Variants in CLOCK observed in about 807,000 individuals in gnomAD.
CLOCK encodes the protein clock circadian regulator.
In CLOCK, 43 loss-of-function variants were observed where a neutral mutation model predicts 118.4. The ratio of observed to expected loss-of-function variants is 0.36; its 90% confidence interval spans 0.28 to 0.47. The LOEUF is 0.47. Ranked by LOEUF, CLOCK falls within the 20% of genes least tolerant of loss-of-function variation. CLOCK has a pLI of 1.00. For synonymous variants in CLOCK, 326 were observed against 339.2 expected (o/e 0.96, Z 0.43); for missense variants, 846 against 999.9 (o/e 0.85, Z 2.08).
At chr4:55,456,841 G>A (rs1438044335) in intron 11 of CLOCK, among the ~76,000 whole-genome samples, 1 of 151,966 alleles carries the variant, frequency 6.6e-6, no homozygotes, top group African/African-American at 2.4e-5. Context: ...ACCACGCCCG[G>A]CTAATTTTTG....
intron 2 of CLOCK, among the ~76,000 whole-genome samples, chr4:55,501,334 T>G (rs1728421891): frequency 7.0e-6 from 1 of 142,966 alleles, no homozygotes; most frequent in African/African-American, 2.5e-5. Context: ...AAAACAATTA[T>G]TATGAATTCT....
At chr4:55,479,842 T>A in intron 4 of CLOCK, 143 bp from the exon 5 acceptor site, 1 of 657,466 alleles carries the variant, frequency 1.5e-6, no homozygotes, top group Non-Finnish European at 2.8e-6. Context: ...ACCTATTTCC[T>A]AGTAAACATT....
Position 55,506,699 on chromosome 4 carries a change from A to C in CLOCK, c.-136+3213T>G, listed in dbSNP as rs182306051. On this transcript the variant is annotated intron_variant, in intron 2 of 22. Coordinates refer to ENST00000513440, the MANE Select transcript of CLOCK (RefSeq NM_004898.4). ...CTCAGCCTCCCAAGTAGCTGGGATT[A>C]CAGGCTCCCGCCACCACACCTGGCT... is the stretch of plus-strand genomic sequence containing the variant. 3.4e-3 allele frequency among the ~76,000 whole-genome samples: 519 copies of C among 152,088 alleles called. 2 individuals are homozygous for C. The highest frequency in any genetic ancestry group is 0.011 in the African/African-American group (474 of 41,484).
At chr4:55,468,967 C>T (rs1463282528) in intron 8 of CLOCK, among the ~76,000 whole-genome samples, 1 of 152,114 alleles carries the variant, frequency 6.6e-6, no homozygotes, top group Non-Finnish European at 1.5e-5. Flanking sequence ...TGCACTTGTG[C>T]TTGTGGTGAT....
In CLOCK at chr4:55,515,259, G is replaced by A. The variant is rs192312804; in HGVS notation, c.-289-5194C>T. 1.1e-4 allele frequency among the ~76,000 whole-genome samples: 17 copies of A among 152,084 alleles called. No homozygotes were observed. In the East Asian group the frequency reaches 2.1e-3, roughly 19 times the overall value. On this transcript the variant is annotated intron_variant, in intron 1 of 22. Coordinates refer to ENST00000513440, the MANE Select transcript of CLOCK (RefSeq NM_004898.4). ...CATGTCTTCTATTAGTAATATTAGCGTATCCTTTTTCCTTAGTTAGCCTAG... is the reference window on the plus strand; with the variant it reads ...CATGTCTTCTATTAGTAATATTAGCATATCCTTTTTCCTTAGTTAGCCTAG...
chr4:55,442,930 T>A (rs1487974635), intron 20 of CLOCK, among the ~76,000 whole-genome samples: 1 of 152,140 alleles, frequency 6.6e-6, no homozygotes, highest in Non-Finnish European at 1.5e-5. Flanking sequence ...GAATGACTAA[T>A]TAGTGGGCAT....
chr4:55,460,125 A>C (rs1725224151), intron 9 of CLOCK, among the ~76,000 whole-genome samples: 1 of 152,156 alleles, frequency 6.6e-6, no homozygotes, highest in African/African-American at 2.4e-5. Context: ...TACAGCAATT[A>C]TTCTTCTCAA....
At chr4:55,510,142 T>C (rs772449052) in intron 1 of CLOCK, 77 bp from the exon 2 acceptor site, 1 of 152,222 alleles carries the variant, frequency 6.6e-6, no homozygotes, top group Non-Finnish European at 1.5e-5. Context: ...TTTTGTTTCA[T>C]CGACGTATAG....
At chr4:55,482,497 A>G (rs1726999158) in intron 4 of CLOCK, among the ~76,000 whole-genome samples, 1 of 152,184 alleles carries the variant, frequency 6.6e-6, no homozygotes, top group African/African-American at 2.4e-5. Flanking sequence ...CCAAATCACT[A>G]AAAATTACAA....
rs1313823790 is a variant in CLOCK, at chr4:55,505,622, C to T, written c.-136+4290G>A. Among the ~76,000 whole-genome samples the T allele has an allele frequency of 2.0e-5, 3 of 151,856 alleles. No homozygotes were observed. In the East Asian group the frequency reaches 5.8e-4, roughly 30 times the overall value. The stretch of plus-strand genomic sequence containing the variant: ...CAGGCTGCAATGAGCTGTGACTGCA[C>T]CACTGCACTCCAGGCTGGGTGACAG... On this transcript the variant is annotated intron_variant, in intron 2 of 22. Transcript: ENST00000513440.
intron 7 of CLOCK, among the ~76,000 whole-genome samples, chr4:55,473,769 A>C (rs1455854887): frequency 6.6e-6 from 1 of 152,090 alleles, no homozygotes; most frequent in Non-Finnish European, 1.5e-5. Context: ...CTTGTGTCAC[A>C]TTTTGGTAAT....
chr4:55,459,562 T>C (rs1233936592), intron 9 of CLOCK, among the ~76,000 whole-genome samples: 2 of 152,216 alleles, frequency 1.3e-5, no homozygotes, highest in Non-Finnish European at 2.9e-5. Flanking sequence ...ATTCTAAAGC[T>C]AATCCTTCCA....
At chr4:55,480,890 C>A (rs1462273365) in intron 4 of CLOCK, among the ~76,000 whole-genome samples, 50 of 143,970 alleles carry the variant, frequency 3.5e-4, no homozygotes, top group South Asian at 4.5e-4. Context: ...GACTCTGTCT[C>A]AAAAAAAAAA....
intron 2 of CLOCK, among the ~76,000 whole-genome samples, chr4:55,490,168 T>A (rs755680045): frequency 2.7e-5 from 4 of 150,930 alleles, no homozygotes; most frequent in Admixed American, 2.0e-4. Context: ...AAGCTGAAAG[T>A]GAAAGAATGG....
intron 1 of CLOCK, among the ~76,000 whole-genome samples, chr4:55,528,905 T>C (rs1016071332): frequency 7.2e-5 from 11 of 151,880 alleles, no homozygotes; most frequent in Non-Finnish European, 1.6e-4. Context: ...TAAAAACAGG[T>C]TCCCTGATCT....
At chr4:55,529,480 G>A (rs1380845691) in intron 1 of CLOCK, among the ~76,000 whole-genome samples, 2 of 152,072 alleles carry the variant, frequency 1.3e-5, no homozygotes, top group Admixed American at 6.6e-5. Context: ...CAAATAAATA[G>A]ATCAAACTGA....
intron 1 of CLOCK, among the ~76,000 whole-genome samples, chr4:55,526,279 C>G (rs1356265345): frequency 6.6e-6 from 1 of 151,968 alleles, no homozygotes; most frequent in East Asian, 1.9e-4. Context: ...CTAAGAAGAA[C>G]AAAAGAAATG....
chr4:55,484,307 C>A (rs1277454093), intron 3 of CLOCK, among the ~76,000 whole-genome samples: 1 of 152,086 alleles, frequency 6.6e-6, no homozygotes, highest in East Asian at 1.9e-4. Flanking sequence ...CCTGCCACTT[C>A]AGCCTCCTGA....
At chr4:55,438,168 TACAA>T in intron 22 of CLOCK, 110 bp downstream of exon 22, 6 of 1,326,558 alleles carry the variant, frequency 4.5e-6, no homozygotes, top group Non-Finnish European at 6.4e-6. Context: ...ATTTAAACTG[TACAA>T]TAAGCTTTTG....
Sources: gnomAD v4.1 joint callset for allele counts (sites outside exome capture counted in the v4.1 genomes callset) on GRCh38, gnomAD v4.1.1 for gene constraint, MANE v1.5 for transcripts, NCBI Gene and HGNC (gene_info 2026-07-23, HGNC 2026-07-21) for gene names.